The following CD226 variants were observed in gnomAD, a reference collection of about 807,000 sequenced individuals.
CD226 encodes the protein CD226 molecule.
A neutral mutation model predicts 34.9 loss-of-function variants in CD226; 24 were observed. That is an observed-to-expected ratio of 0.69 (90% CI 0.50 to 0.97). The LOEUF (loss-of-function observed/expected upper bound fraction) is 0.97, where lower values mean the gene tolerates loss of function less well. Among genes scored for constraint, CD226 ranks in the 50% least tolerant of loss-of-function variants. CD226 has a pLI of 0.00. For synonymous variants in CD226, 148 were observed against 147.4 expected (o/e 1.00, Z -0.03); for missense variants, 397 against 412.7 (o/e 0.96, Z 0.33).
chr18:69,895,304 T>C (rs1429755872), intron 3 of CD226, among the ~76,000 whole-genome samples: 1 of 152,184 alleles, frequency 6.6e-6, no homozygotes, highest in African/African-American at 2.4e-5. Flanking sequence ...AACCTAGCAC[T>C]GTCTTGTATT....
chr18:69,887,452 A>G (rs966090936), intron 3 of CD226, among the ~76,000 whole-genome samples: 1 of 152,194 alleles, frequency 6.6e-6, no homozygotes, highest in African/African-American at 2.4e-5. Context: ...TTTTCTGTAT[A>G]AACTTCCCTC....
chr18:69,880,315 A>G (rs986268674), intron 3 of CD226, among the ~76,000 whole-genome samples: 2 of 124,956 alleles, frequency 1.6e-5, no homozygotes, highest in African/African-American at 6.8e-5. Flanking sequence ...AGAAAGAAAG[A>G]AAGAAAAAGA....
upstream of CD226, among the ~76,000 whole-genome samples, chr18:69,952,677 A>G (rs1838953581): frequency 1.3e-5 from 2 of 152,210 alleles, no homozygotes; most frequent in Non-Finnish European, 2.9e-5. Flanking sequence ...AATTTTTAAG[A>G]CCTGGAAGTT....
intron 2 of CD226, among the ~76,000 whole-genome samples, chr18:69,940,556 G>T (rs1485383906): frequency 1.3e-5 from 2 of 152,184 alleles, no homozygotes; most frequent in Non-Finnish European, 2.9e-5. Flanking sequence ...GAACTTTTTG[G>T]GAAATGGAGT....
chr18:69,863,149 C>T lies in CD226; in HGVS notation c.*1165G>A, dbSNP rs1383873417. 6.6e-6 allele frequency: 1 copy of T among 152,110 alleles called. No homozygotes were observed. Among genetic ancestry groups the T allele is most frequent in the African/African-American group, 2.4e-5 (1 of 41,416 alleles). 9.4% of individuals were successfully genotyped at this position (152,110 alleles called of 1,614,324 possible). A position where few individuals can be genotyped will look rare whatever the true frequency, so the allele number is the denominator to read the frequency against. Reference sequence around the variant, plus strand: ...TTTTCTGTGGTTTGATTCCTTTCTCCTGTTGCCTGTACCCTCCCAATTTCT... The same window carrying T: ...TTTTCTGTGGTTTGATTCCTTTCTCTTGTTGCCTGTACCCTCCCAATTTCT... On this transcript the variant is annotated 3_prime_UTR_variant, in exon 6 of 6. Transcript: ENST00000582621.
At chr18:69,942,401 C>A (rs1280971518) in intron 2 of CD226, among the ~76,000 whole-genome samples, 1 of 152,194 alleles carries the variant, frequency 6.6e-6, no homozygotes, top group Non-Finnish European at 1.5e-5. Flanking sequence ...AAGACTGCAG[C>A]TAGTGTAATC....
intron 2 of CD226, among the ~76,000 whole-genome samples, chr18:69,915,155 A>G (rs1330057350): frequency 6.6e-6 from 1 of 152,220 alleles, no homozygotes; most frequent in Non-Finnish European, 1.5e-5. Context: ...GGAGACTTAT[A>G]AAGTATTTAT....
chr18:69,943,775 C>T (rs1337273087), intron 2 of CD226, among the ~76,000 whole-genome samples: 2 of 152,102 alleles, frequency 1.3e-5, no homozygotes, highest in African/African-American at 4.8e-5. Flanking sequence ...TAAAATCAGG[C>T]AATACAAACG....
At chr18:69,919,039 A>T (rs763204418) in intron 2 of CD226, among the ~76,000 whole-genome samples, 1 of 152,244 alleles carries the variant, frequency 6.6e-6, no homozygotes, top group Non-Finnish European at 1.5e-5. Flanking sequence ...TATTTAGGAA[A>T]TAATGTCACT....
upstream of CD226, among the ~76,000 whole-genome samples, chr18:69,961,326 G>C (rs749906113): frequency 8.5e-5 from 13 of 152,122 alleles, no homozygotes; most frequent in African/African-American, 4.8e-5. Flanking sequence ...TTTTGAGAAT[G>C]CATCAAAAAT....
At chr18:69,901,114 T>C (rs1009215501) in intron 2 of CD226, among the ~76,000 whole-genome samples, 1 of 151,738 alleles carries the variant, frequency 6.6e-6, no homozygotes, top group African/African-American at 2.4e-5. Context: ...AATGCCACCA[T>C]GGGAAAGCAG....
At chr18:69,872,057 G>GGTGTGT (rs201644137) in intron 4 of CD226, among the ~76,000 whole-genome samples, 31,687 of 143,358 alleles carry the variant, frequency 0.22, 3,529 homozygotes, top group Middle Eastern at 0.35. Flanking sequence ...ATTAACAAGG[G>GGTGTGT]GTGTGTGTGT....
chr18:69,909,539 T>C (rs1005717631), intron 2 of CD226, among the ~76,000 whole-genome samples: 11 of 152,172 alleles, frequency 7.2e-5, no homozygotes, highest in African/African-American at 2.2e-4. Flanking sequence ...GTTCAAACCA[T>C]AATGAAGTTA....
upstream of CD226, among the ~76,000 whole-genome samples, chr18:69,961,197 G>T (rs1027763007): frequency 6.6e-6 from 1 of 152,174 alleles, no homozygotes; most frequent in Non-Finnish European, 1.5e-5. Context: ...GAATATATAT[G>T]AATGTACCTC....
chr18:69,873,370 A>G, intron 3 of CD226, 124 bp from the exon 4 acceptor site: 1 of 579,258 alleles, frequency 1.7e-6, no homozygotes, highest in Non-Finnish European at 3.1e-6. Context: ...TCCAACAAAA[A>G]AAATAGAATG....
intron 2 of CD226, among the ~76,000 whole-genome samples, chr18:69,943,810 G>C (rs1448235991): frequency 6.6e-6 from 1 of 152,140 alleles, no homozygotes; most frequent in Non-Finnish European, 1.5e-5. Flanking sequence ...GGAGATTCAA[G>C]GAGGAAGTCT....
At chr18:69,870,276 T>C (rs1353720338) in intron 4 of CD226, among the ~76,000 whole-genome samples, 1 of 148,040 alleles carries the variant, frequency 6.8e-6, no homozygotes. Flanking sequence ...CTCCCCCTTT[T>C]TTTTTTTTTT....
chr18:69,952,405 C>T (rs140834160), upstream of CD226, among the ~76,000 whole-genome samples: 46 of 152,254 alleles, frequency 3.0e-4, no homozygotes, highest in Non-Finnish European at 6.0e-4. Context: ...ACAAAACTGC[C>T]CTTGTACCCC....
chr18:69,922,050 T>C (rs985883106), intron 2 of CD226, among the ~76,000 whole-genome samples: 4 of 152,178 alleles, frequency 2.6e-5, no homozygotes, highest in African/African-American at 4.8e-5. Flanking sequence ...AAAGGACTAG[T>C]TACACTTACT....
Sources: allele counts gnomAD v4.1 joint callset (sites outside exome capture counted in the v4.1 genomes callset), GRCh38; gene constraint gnomAD v4.1.1; transcripts MANE v1.5; gene names NCBI Gene and HGNC (gene_info 2026-07-23, HGNC 2026-07-21).